NETO1: variants seen among roughly 807,000 people sequenced by gnomAD.
NETO1 encodes the protein neuropilin and tolloid like 1, also known as neuropilin and tolloid-like protein 1.
In NETO1, 26 loss-of-function variants were observed where a neutral mutation model predicts 61.3. The observed-to-expected ratio is 0.42, with a 90% CI of 0.31 to 0.59. The LOEUF is 0.59. Ranked by LOEUF, NETO1 falls within the 20% of genes least tolerant of loss-of-function variation. The pLI is 0.12. For synonymous variants in NETO1, 225 were observed against 225.8 expected (o/e 1.00, Z 0.03); for missense variants, 531 against 662.8 (o/e 0.80, Z 2.18).
In NETO1 at chr18:72,826,167, T is replaced by C. The variant is rs559262726; in HGVS notation, c.470-31763A>G. On this transcript the variant is annotated intron_variant, in intron 4 of 10. Coordinates refer to ENST00000327305, the MANE Select transcript of NETO1 (RefSeq NM_138966.5). ...TTAAATACGTTTTTAATTAATATAT[T>C]TTAAGGGTGCATTTTTGATATCTTA... 7.9e-5 allele frequency among the ~76,000 whole-genome samples: 12 copies of C among 152,278 alleles called. No homozygotes were observed. In the East Asian group the frequency reaches 2.3e-3, roughly 29 times the overall value.
chr18:72,817,651 C>G (rs774654226), intron 4 of NETO1, among the ~76,000 whole-genome samples: 2 of 152,216 alleles, frequency 1.3e-5, no homozygotes, highest in Non-Finnish European at 2.9e-5. Context: ...GCCTAATCAC[C>G]TCTTAGCGTG....
At chr18:72,821,234 TAAAAAAAAA>T (rs10672110) in intron 4 of NETO1, among the ~76,000 whole-genome samples, 3 of 80,220 alleles carry the variant, frequency 3.7e-5, no homozygotes, top group Non-Finnish European at 4.7e-5. Flanking sequence ...TCATATTAAC[TAAAAAAAAA>T]AAAAAAAAAA....
intron 3 of NETO1, among the ~76,000 whole-genome samples, chr18:72,862,503 C>A (rs1259383885): frequency 1.3e-5 from 2 of 152,194 alleles, no homozygotes; most frequent in South Asian, 2.1e-4. Context: ...GTCTATATTT[C>A]TTTTCTGGGA....
chr18:72,851,625 A>C (rs547947695), intron 4 of NETO1, among the ~76,000 whole-genome samples: 1 of 152,320 alleles, frequency 6.6e-6, no homozygotes, highest in Admixed American at 6.5e-5. Context: ...TTGAGAAGGC[A>C]CAATTTTACA....
chr18:72,803,745 C>T (rs548737056), intron 4 of NETO1, among the ~76,000 whole-genome samples: 6 of 150,944 alleles, frequency 4.0e-5, no homozygotes, highest in African/African-American at 1.5e-4. Context: ...TGCTTGAACC[C>T]GGGAGGTTGA....
chr18:72,834,232 A>AT, intron 4 of NETO1: 1 of 692,382 alleles, frequency 1.4e-6, no homozygotes, highest in Non-Finnish European at 1.8e-6. Flanking sequence ...TTAATTGCAA[A>AT]ATAAGTTTTA....
rs924488265 is a variant in NETO1 at position 72,807,761 on chromosome 18, C to T, written c.470-13357G>A. On this transcript the variant is annotated intron_variant, in intron 4 of 10. Transcript: ENST00000327305. ...ACACACACACACACACACACCCATA[C>T]TGTCCAAATGCTGGAGTTTGCACAT... Among the ~76,000 whole-genome samples the T allele has an allele frequency of 3.4e-4, 45 of 134,290 alleles. 1 individual carries two copies. Among genetic ancestry groups the T allele is most frequent in the African/African-American group, 1.1e-3 (43 of 38,482 alleles). The allele number at this position is 134,290 out of a possible 152,430, so 88.1% of individuals were successfully genotyped here. A position where few individuals can be genotyped will look rare whatever the true frequency, so the allele number is the denominator to read the frequency against.
chr18:72,796,031 T>G (rs946135977), intron 4 of NETO1, among the ~76,000 whole-genome samples: 7 of 152,216 alleles, frequency 4.6e-5, no homozygotes, highest in African/African-American at 1.7e-4. Flanking sequence ...TTGTTCCTAC[T>G]ACCATGGCAT....
At chr18:72,768,624 A>G (rs755270245) in intron 7 of NETO1, among the ~76,000 whole-genome samples, 1 of 152,224 alleles carries the variant, frequency 6.6e-6, no homozygotes, top group Non-Finnish European at 1.5e-5. Flanking sequence ...GTTAAGCCCA[A>G]TGCAATAACA....
intron 7 of NETO1, among the ~76,000 whole-genome samples, chr18:72,770,559 A>G (rs183592008): frequency 1.1e-3 from 165 of 152,286 alleles, no homozygotes; most frequent in Admixed American, 1.8e-3. Flanking sequence ...TATGACATAC[A>G]TAAATAAATA....
intron 7 of NETO1, among the ~76,000 whole-genome samples, chr18:72,767,102 G>C (rs1314421257): frequency 1.3e-5 from 2 of 152,154 alleles, no homozygotes; most frequent in Non-Finnish European, 2.9e-5. Context: ...TGCAATACTT[G>C]CTCTCATTGA....
At chr18:72,751,277 G>C (rs886692216) in intron 8 of NETO1, among the ~76,000 whole-genome samples, 1 of 152,158 alleles carries the variant, frequency 6.6e-6, no homozygotes, top group African/African-American at 2.4e-5. Context: ...TGTACATCAA[G>C]TGGAAATATA....
chr18:72,820,820 C>T (rs2073169230), intron 4 of NETO1, among the ~76,000 whole-genome samples: 1 of 152,144 alleles, frequency 6.6e-6, no homozygotes, highest in South Asian at 2.1e-4. Flanking sequence ...AAAACTGGCT[C>T]TTCTTGGGTC....
chr18:72,772,000 T>C (rs775347685), intron 7 of NETO1, among the ~76,000 whole-genome samples: 1 of 152,150 alleles, frequency 6.6e-6, no homozygotes, highest in African/African-American at 2.4e-5. Flanking sequence ...GATTGGGTTC[T>C]CATGAAAAAT....
chr18:72,783,782 G>C lies in NETO1; in HGVS notation c.764C>G (p.Ala255Gly). ...DLKAKFCSTV[A>G]NDVMLRTGLG... ...ACCCGTGCGTAGCATGACATCATTA[G>C]CCACAGTGCTACAGAACTTAGCTTT... Residue 255 changes from alanine (A) to glycine (G), a missense_variant, in exon 7 of 11, where the codon GCT (alanine) becomes GGT (glycine). By Grantham distance (60) the Ala-to-Gly change is moderately conservative (BLOSUM62 0). Coordinates refer to ENST00000327305, the MANE Select transcript of NETO1 (RefSeq NM_138966.5). 1 of 1,614,160 alleles carries C rather than the reference G, an allele frequency of 6.2e-7. No individual in the cohort carries two copies. The highest frequency in any genetic ancestry group is 1.7e-5 in the Admixed American group (1 of 60,014).
chr18:72,841,756 A>AAAAAAAT (rs1568249501), intron 4 of NETO1, among the ~76,000 whole-genome samples: 1 of 150,434 alleles, frequency 6.6e-6, no homozygotes, highest in African/African-American at 2.4e-5. Context: ...AAAAAAAAAA[A>AAAAAAAT]AGTCACTTTA....
intron 4 of NETO1, chr18:72,835,171 A>G: frequency 1.5e-6 from 2 of 1,304,988 alleles, no homozygotes; most frequent in Non-Finnish European, 2.0e-6. Flanking sequence ...TCAAGGGCAC[A>G]AATCGTGGTG....
chr18:72,822,193 A>G (rs1018871199), intron 4 of NETO1, among the ~76,000 whole-genome samples: 17 of 152,226 alleles, frequency 1.1e-4, no homozygotes, highest in South Asian at 1.0e-3. Context: ...GGATACAGAA[A>G]GGATGGCAGA....
chr18:72,782,013 A>G (rs1016282766), intron 7 of NETO1, among the ~76,000 whole-genome samples: 1 of 152,028 alleles, frequency 6.6e-6, no homozygotes, highest in African/African-American at 2.4e-5. Context: ...CTCCACCCTC[A>G]AGTAGGTTCT....
Sources: allele counts gnomAD v4.1 joint callset (sites outside exome capture counted in the v4.1 genomes callset), GRCh38; gene constraint gnomAD v4.1.1; transcripts MANE v1.5; gene names NCBI Gene and HGNC (gene_info 2026-07-23, HGNC 2026-07-21).